Variants in ENTREP2 observed in about 807,000 individuals in gnomAD.
The protein encoded by ENTREP2 is endosomal transmembrane epsin interactor 2, also known as protein ENTREP2.
the ENTREP2 span, among the ~76,000 whole-genome samples, chr15:29,521,631 GCAGAGTAAGAGTCT>G: frequency 6.6e-6 from 1 of 152,122 alleles, no homozygotes; most frequent in African/African-American, 2.4e-5. Context: ...TGTTTAGATT[GCAGAGTAAGAGTCT>G]CTCCCTCTTT....
the ENTREP2 span, chr15:29,118,116 C>T: frequency 6.6e-6 from 1 of 152,634 alleles, no homozygotes; most frequent in Non-Finnish European, 1.5e-5. Flanking sequence ...ATTAGCGATC[C>T]ATGTAATCTG....
At chr15:29,621,020 T>C in the ENTREP2 span, among the ~76,000 whole-genome samples, 1 of 152,076 alleles carries the variant, frequency 6.6e-6, no homozygotes, top group Admixed American at 6.5e-5. Flanking sequence ...ATCGTGCTGC[T>C]CTCCCAGGTC....
chr15:29,283,288 A>ACAGT, the ENTREP2 span, among the ~76,000 whole-genome samples: 1 of 152,208 alleles, frequency 6.6e-6, no homozygotes, highest in Non-Finnish European at 1.5e-5. Context: ...AGGAGAAGAG[A>ACAGT]CAGTGTAGTT....
chr15:29,390,853 A>G, the ENTREP2 span, among the ~76,000 whole-genome samples: 1 of 152,220 alleles, frequency 6.6e-6, no homozygotes, highest in Non-Finnish European at 1.5e-5. Context: ...AGCCAAGTAA[A>G]TTACTTTCAT....
chr15:29,384,428 A>G, the ENTREP2 span, among the ~76,000 whole-genome samples: 1 of 152,080 alleles, frequency 6.6e-6, no homozygotes, highest in East Asian at 1.9e-4. Flanking sequence ...GCCCGATGAC[A>G]GCCTTGTCCA....
At chr15:29,596,644 G>A in the ENTREP2 span, among the ~76,000 whole-genome samples, 1 of 151,854 alleles carries the variant, frequency 6.6e-6, no homozygotes, top group Non-Finnish European at 1.5e-5. Flanking sequence ...CTCATTCTGG[G>A]TTCCCCAACA....
chr15:29,661,293 T>C, the ENTREP2 span, among the ~76,000 whole-genome samples: 1 of 152,174 alleles, frequency 6.6e-6, no homozygotes, highest in Non-Finnish European at 1.5e-5. Context: ...CTCTGCCTCC[T>C]GGGTTCAAGT....
At chr15:29,264,412 C>G in the ENTREP2 span, among the ~76,000 whole-genome samples, 1 of 152,164 alleles carries the variant, frequency 6.6e-6, no homozygotes, top group Admixed American at 6.5e-5. Context: ...AAGGAGAAAA[C>G]TCTGCAGTGG....
At chr15:29,134,352 C>T in the ENTREP2 span, among the ~76,000 whole-genome samples, 2 of 152,266 alleles carry the variant, frequency 1.3e-5, no homozygotes, top group South Asian at 2.1e-4. Context: ...CTTCTAGCAC[C>T]CACAGTAAAA....
At chr15:29,267,230 GT>G in the ENTREP2 span, 1 of 151,966 alleles carries the variant, frequency 6.6e-6, no homozygotes, top group Non-Finnish European at 1.5e-5. Flanking sequence ...TTTTCCCCGA[GT>G]TAAAAATATT....
the ENTREP2 span, among the ~76,000 whole-genome samples, chr15:29,324,383 T>C: frequency 6.6e-6 from 1 of 152,132 alleles, no homozygotes; most frequent in Non-Finnish European, 1.5e-5. Context: ...TGCCCAACCA[T>C]GTAGATATTT....
At chr15:29,627,028 G>C in the ENTREP2 span, among the ~76,000 whole-genome samples, 2 of 151,884 alleles carry the variant, frequency 1.3e-5, no homozygotes, top group African/African-American at 4.8e-5. Context: ...TTCTTTTCCT[G>C]GTTTCCTGGG....
At chr15:29,307,210 A>T in the ENTREP2 span, among the ~76,000 whole-genome samples, 3 of 152,206 alleles carry the variant, frequency 2.0e-5, no homozygotes, top group Admixed American at 1.3e-4. Context: ...ATACAAAAAA[A>T]ATTGACAATT....
chr15:29,135,160 G>A, the ENTREP2 span, among the ~76,000 whole-genome samples: 5 of 142,634 alleles, frequency 3.5e-5, no homozygotes, highest in South Asian at 4.3e-4. The surrounding 1 kb of genome is among the most constrained non-coding windows in gnomAD (Gnocchi z 7.4). Flanking sequence ...CCCTGCCCAC[G>A]CCCTCTGCTC....
At chr15:29,253,770 G>A in the ENTREP2 span, among the ~76,000 whole-genome samples, 5 of 151,760 alleles carry the variant, frequency 3.3e-5, no homozygotes, top group South Asian at 2.1e-4. Flanking sequence ...TGATGTTAGC[G>A]GCCATTTTTA....
the ENTREP2 span, among the ~76,000 whole-genome samples, chr15:29,618,835 G>A: frequency 6.6e-6 from 1 of 152,160 alleles, no homozygotes; most frequent in African/African-American, 2.4e-5. Flanking sequence ...GGGTGACTCA[G>A]CCTGGCTCTC....
the ENTREP2 span, among the ~76,000 whole-genome samples, chr15:29,645,254 G>A: frequency 6.6e-6 from 1 of 152,166 alleles, no homozygotes; most frequent in Admixed American, 6.6e-5. Context: ...CTGTTTCTCA[G>A]TTAACCTAGA....
the ENTREP2 span, among the ~76,000 whole-genome samples, chr15:29,671,393 T>G: frequency 6.6e-6 from 1 of 152,166 alleles, no homozygotes. Context: ...CGGACAGAAG[T>G]GTAGGTTCTC....
At chr15:29,137,084 T>G in the ENTREP2 span, 1 of 1,460,164 alleles carries the variant, frequency 6.8e-7, no homozygotes, top group South Asian at 1.5e-5. Context: ...GGTAATAGGG[T>G]GGAGGCGGGA....
Sources: gnomAD v4.1 joint callset for allele counts (sites outside exome capture counted in the v4.1 genomes callset) on GRCh38, gnomAD v4.1.1 for gene constraint, Gnocchi (gnomAD v3.1) non-coding constraint, MANE v1.5 for transcripts, NCBI Gene and HGNC (gene_info 2026-07-23, HGNC 2026-07-21) for gene names.